Variants in MIGA1 observed in about 807,000 individuals in gnomAD.
MIGA1 encodes the protein family with sequence similarity 73, member A.
A neutral mutation model predicts 82.0 loss-of-function variants in MIGA1; 58 were observed. The observed-to-expected ratio is 0.71, with a 90% CI of 0.57 to 0.88. The LOEUF is 0.88. Among genes scored for constraint, MIGA1 ranks in the 40% least tolerant of loss-of-function variants. The probability of loss-of-function intolerance (pLI) is 0.00; values close to 1 mark genes in which losing one functional copy is unlikely to be tolerated. For synonymous variants in MIGA1, 249 were observed against 253.6 expected, an observed-to-expected ratio of 0.98 and a Z score of 0.17; for missense variants, 751 against 749.1, an observed-to-expected ratio of 1.00 and a Z score of -0.03.
chr1:77,817,847 A>G (rs1158836620), intron 7 of MIGA1, among the ~76,000 whole-genome samples: 7 of 151,926 alleles, frequency 4.6e-5, no homozygotes, highest in South Asian at 2.1e-4. Flanking sequence ...TAAACCAAGT[A>G]TCTATCTGAT....
chr1:77,872,844 G>A (rs926533157), intron 14 of MIGA1, among the ~76,000 whole-genome samples, 160 bp from the exon 15 acceptor site: 2 of 152,204 alleles, frequency 1.3e-5, no homozygotes, highest in Non-Finnish European at 2.9e-5. Flanking sequence ...GGGATTGCTT[G>A]AGGCCAGGAG....
intron 13 of MIGA1, 37 bp from the exon 14 acceptor site, chr1:77,866,301 C>A: frequency 1.3e-6 from 2 of 1,562,122 alleles, no homozygotes; most frequent in Non-Finnish European, 1.8e-6. Flanking sequence ...GTTTATATAG[C>A]TATATATAAA....
At chr1:77,798,781 T>C (rs1682762576) in intron 2 of MIGA1, among the ~76,000 whole-genome samples, 1 of 152,204 alleles carries the variant, frequency 6.6e-6, no homozygotes. Flanking sequence ...TCTGAATTCT[T>C]ACTTTAATTA....
chr1:77,857,276 G>T (rs182485906), intron 8 of MIGA1, among the ~76,000 whole-genome samples: 1 of 151,060 alleles, frequency 6.6e-6, no homozygotes, highest in Non-Finnish European at 1.5e-5. Context: ...ATTGAAATGC[G>T]AGGTACTATT....
chr1:77,827,048 C>G (rs1048300383), intron 7 of MIGA1, among the ~76,000 whole-genome samples: 12 of 152,140 alleles, frequency 7.9e-5, no homozygotes, highest in Non-Finnish European at 8.8e-5. Context: ...CTCAGGTGAT[C>G]CACTCAGCTG....
chr1:77,843,462 C>T (rs927698877), intron 8 of MIGA1, 55 bp downstream of exon 8: 2 of 1,319,700 alleles, frequency 1.5e-6, no homozygotes, highest in African/African-American at 1.4e-5. Context: ...GTGGAAACAA[C>T]AGTCTTGTCA....
intron 7 of MIGA1, among the ~76,000 whole-genome samples, chr1:77,820,096 T>C (rs924640694): frequency 1.3e-5 from 2 of 151,678 alleles, no homozygotes; most frequent in Non-Finnish European, 2.9e-5. Flanking sequence ...TGGTATGCTT[T>C]TGTGTAGATC....
intron 2 of MIGA1, among the ~76,000 whole-genome samples, chr1:77,799,894 T>G (rs896775453): frequency 6.6e-6 from 1 of 152,100 alleles, no homozygotes; most frequent in Non-Finnish European, 1.5e-5. Context: ...TGATTTCTGC[T>G]TTAATCTTTA....
chr1:77,867,015 C>T (rs1016004353), intron 14 of MIGA1, among the ~76,000 whole-genome samples: 1 of 152,022 alleles, frequency 6.6e-6, no homozygotes, highest in African/African-American at 2.4e-5. Flanking sequence ...TAGTGGATTC[C>T]CTTCGTTTAA....
At chr1:77,814,393 T>A (rs1683494412) in intron 6 of MIGA1, among the ~76,000 whole-genome samples, 1 of 151,772 alleles carries the variant, frequency 6.6e-6, no homozygotes, top group South Asian at 2.1e-4. Flanking sequence ...TCTAAAGGAT[T>A]TTTTTTTAAA....
At chr1:77,855,243 A>G (rs1182526734) in intron 8 of MIGA1, among the ~76,000 whole-genome samples, 1 of 152,138 alleles carries the variant, frequency 6.6e-6, no homozygotes, top group African/African-American at 2.4e-5. Context: ...CTTCTGTTCC[A>G]TTGGTCTATG....
chr1:77,852,893 G>A (rs1001329132), intron 8 of MIGA1, among the ~76,000 whole-genome samples: 3 of 152,056 alleles, frequency 2.0e-5, no homozygotes, highest in African/African-American at 7.2e-5. Flanking sequence ...GCTTCCCCAT[G>A]TTGGCCAGGC....
chr1:77,858,839 C>G (rs1426633268), intron 8 of MIGA1, 99 bp from the exon 9 acceptor site: 1 of 698,708 alleles, frequency 1.4e-6, no homozygotes, highest in African/African-American at 1.8e-5. Context: ...AGGCTGGTTT[C>G]AAACTTCTGG....
intron 7 of MIGA1, among the ~76,000 whole-genome samples, chr1:77,821,133 TAA>T (rs35171376): frequency 6.8e-4 from 99 of 146,368 alleles, no homozygotes; most frequent in Middle Eastern, 3.4e-3. Flanking sequence ...GACTCCGTCT[TAA>T]AAAAAAAAAA....
intron 8 of MIGA1, among the ~76,000 whole-genome samples, chr1:77,846,412 A>AT (rs531980276): frequency 5.5e-4 from 84 of 152,186 alleles, no homozygotes; most frequent in African/African-American, 1.9e-3. Flanking sequence ...TGTAGATTCC[A>AT]TTTTTTATAG....
intron 7 of MIGA1, among the ~76,000 whole-genome samples, chr1:77,827,890 T>C (rs1164543210): frequency 1.3e-5 from 2 of 151,910 alleles, no homozygotes; most frequent in Non-Finnish European, 2.9e-5. Context: ...ATATGAAATA[T>C]GAAGGTGGGA....
intron 7 of MIGA1, among the ~76,000 whole-genome samples, chr1:77,839,063 C>G (rs1363964782): frequency 6.6e-6 from 1 of 152,082 alleles, no homozygotes; most frequent in African/African-American, 2.4e-5. Flanking sequence ...TATAAGCATG[C>G]ATTTCTGTAA....
At chr1:77,864,565 A>G (rs969193463) in intron 13 of MIGA1, among the ~76,000 whole-genome samples, 2 of 151,988 alleles carry the variant, frequency 1.3e-5, no homozygotes, top group African/African-American at 4.8e-5. Flanking sequence ...AATCCCAGCT[A>G]CTCGGGAGGC....
intron 7 of MIGA1, among the ~76,000 whole-genome samples, chr1:77,835,391 G>A (rs1684388087): frequency 1.3e-5 from 2 of 152,192 alleles, no homozygotes; most frequent in South Asian, 4.1e-4. Flanking sequence ...AGTTCTGGGT[G>A]ATTGAGACAG....
Sources: gnomAD v4.1 joint callset for allele counts (sites outside exome capture counted in the v4.1 genomes callset) on GRCh38, gnomAD v4.1.1 for gene constraint, MANE v1.5 for transcripts, NCBI Gene and HGNC (gene_info 2026-07-23, HGNC 2026-07-21) for gene names.